CIMIP6: variants seen among roughly 807,000 people sequenced by gnomAD.
The protein encoded by CIMIP6 is ciliary microtubule inner protein 6, also known as uncharacterized protein C2orf73.
chr2:54,332,286 TTTA>T, the CIMIP6 span, among the ~76,000 whole-genome samples: 1 of 152,228 alleles, frequency 6.6e-6, no homozygotes, highest in Non-Finnish European at 1.5e-5. Flanking sequence ...CATTCTCTAT[TTTA>T]TTATTGTCCT....
At chr2:54,380,766 T>G in the CIMIP6 span, among the ~76,000 whole-genome samples, 1 of 152,148 alleles carries the variant, frequency 6.6e-6, no homozygotes, top group African/African-American at 2.4e-5. Flanking sequence ...GACATACACA[T>G]ACGCATGATT....
chr2:54,334,262 A>T, the CIMIP6 span, among the ~76,000 whole-genome samples: 2 of 152,192 alleles, frequency 1.3e-5, no homozygotes, highest in Non-Finnish European at 2.9e-5. Context: ...CAGAGTGCTT[A>T]CTAGAGGCAA....
chr2:54,377,624 G>A, the CIMIP6 span, among the ~76,000 whole-genome samples: 1 of 152,098 alleles, frequency 6.6e-6, no homozygotes. Context: ...TTTTTCCCAG[G>A]AAAATCACAG....
the CIMIP6 span, among the ~76,000 whole-genome samples, chr2:54,376,086 A>C: frequency 6.6e-6 from 1 of 152,116 alleles, no homozygotes; most frequent in Admixed American, 6.6e-5. Context: ...CCAAGTCTGG[A>C]ATGCATTAGC....
chr2:54,372,525 A>C, the CIMIP6 span, among the ~76,000 whole-genome samples: 1 of 152,156 alleles, frequency 6.6e-6, no homozygotes, highest in Admixed American at 6.5e-5. Context: ...GCAAGGCAGG[A>C]GTGATGACAG....
chr2:54,369,547 T>C, the CIMIP6 span, among the ~76,000 whole-genome samples: 4,708 of 152,296 alleles, frequency 0.031, 252 homozygotes, highest in African/African-American at 0.11. Flanking sequence ...AGCAACCAGA[T>C]AGATGTACAG....
At chr2:54,372,872 G>A in the CIMIP6 span, among the ~76,000 whole-genome samples, 1 of 152,126 alleles carries the variant, frequency 6.6e-6, no homozygotes, top group East Asian at 1.9e-4. Flanking sequence ...GGCACTCTTG[G>A]TATGTTTCAA....
the CIMIP6 span, among the ~76,000 whole-genome samples, chr2:54,358,764 T>C: frequency 6.6e-6 from 1 of 150,834 alleles, no homozygotes; most frequent in Non-Finnish European, 1.5e-5. Flanking sequence ...GTGGGGCTAA[T>C]TTGGTTGTTT....
At chr2:54,364,611 C>G in the CIMIP6 span, among the ~76,000 whole-genome samples, 2 of 152,160 alleles carry the variant, frequency 1.3e-5, no homozygotes, top group Non-Finnish European at 2.9e-5. Context: ...CAGAGTTTCT[C>G]AATAACCGGT....
the CIMIP6 span, among the ~76,000 whole-genome samples, chr2:54,369,309 TAAA>T: frequency 1.3e-5 from 2 of 149,258 alleles, no homozygotes; most frequent in South Asian, 4.2e-4. Context: ...CTTAGGAGGC[TAAA>T]AAAAAAATCC....
At chr2:54,344,947 T>C in the CIMIP6 span, among the ~76,000 whole-genome samples, 2 of 152,134 alleles carry the variant, frequency 1.3e-5, no homozygotes, top group Non-Finnish European at 2.9e-5. Context: ...ACATAACATT[T>C]ATTGAGCACA....
chr2:54,341,412 C>T, the CIMIP6 span, among the ~76,000 whole-genome samples: 7 of 152,152 alleles, frequency 4.6e-5, no homozygotes, highest in African/African-American at 1.7e-4. Flanking sequence ...CCTGCCAGTG[C>T]CTTGATCTTG....
the CIMIP6 span, among the ~76,000 whole-genome samples, chr2:54,375,952 T>G: frequency 1.3e-5 from 2 of 152,044 alleles, no homozygotes; most frequent in African/African-American, 4.8e-5. Flanking sequence ...CCCTGGAAAG[T>G]AGAGATAAAG....
chr2:54,378,580 G>C, the CIMIP6 span, among the ~76,000 whole-genome samples: 1 of 152,146 alleles, frequency 6.6e-6, no homozygotes, highest in Non-Finnish European at 1.5e-5. Context: ...GGAAGAAACA[G>C]AAATGCCCAG....
At chr2:54,360,777 A>G in the CIMIP6 span, 1 of 465,318 alleles carries the variant, frequency 2.1e-6, no homozygotes, top group East Asian at 3.7e-5. Flanking sequence ...TCTATGTCAC[A>G]TTCTTTATGA....
chr2:54,376,107 C>T, the CIMIP6 span, among the ~76,000 whole-genome samples: 2 of 152,152 alleles, frequency 1.3e-5, no homozygotes, highest in African/African-American at 2.4e-5. Context: ...ATGAACACAG[C>T]TTACTACAGC....
At chr2:54,353,328 G>T in the CIMIP6 span, among the ~76,000 whole-genome samples, 2 of 152,106 alleles carry the variant, frequency 1.3e-5, no homozygotes, top group African/African-American at 4.8e-5. Context: ...GGGCAGGGTG[G>T]CAGGGGTGCA....
chr2:54,381,825 G>A, the CIMIP6 span: 1 of 1,521,734 alleles, frequency 6.6e-7, no homozygotes, highest in Admixed American at 2.3e-5. Context: ...TTTTCAGTGG[G>A]TGTTCTTGTC....
the CIMIP6 span, among the ~76,000 whole-genome samples, chr2:54,344,254 A>AT: frequency 1.3e-5 from 2 of 152,304 alleles, no homozygotes; most frequent in African/African-American, 4.8e-5. Flanking sequence ...CTTTAGAAAG[A>AT]TAATAAAGTT....
Sources: gnomAD v4.1 joint callset for allele counts (sites outside exome capture counted in the v4.1 genomes callset) on GRCh38, gnomAD v4.1.1 for gene constraint, MANE v1.5 for transcripts, NCBI Gene and HGNC (gene_info 2026-07-23, HGNC 2026-07-21) for gene names.